The following KCTD1 variants were observed in gnomAD, a reference collection of about 807,000 sequenced individuals.
KCTD1 encodes BTB/POZ domain-containing protein KCTD1.
KCTD1 carries 24 observed loss-of-function variants against 66.0 expected under a neutral mutation model. The observed-to-expected ratio is 0.36, with a 90% CI of 0.26 to 0.51. The LOEUF is 0.51. KCTD1 is among the 20% of genes least tolerant of loss of function. The probability of loss-of-function intolerance (pLI) is 0.95; values close to 1 mark genes in which losing one functional copy is unlikely to be tolerated. For synonymous variants in KCTD1, 511 were observed against 517.2 expected (o/e 0.99, Z 0.16); for missense variants, 943 against 1,205.2 (o/e 0.78, Z 3.22).
At chr18:26,616,478 T>TATATATAC (rs148346431) in intron 1 of KCTD1, among the ~76,000 whole-genome samples, 7 of 148,666 alleles carry the variant, frequency 4.7e-5, no homozygotes, top group East Asian at 2.0e-4. Context: ...TATATATATA[T>TATATATAC]ACACACACAC....
At chr18:26,577,989 T>C (rs1278911974) in intron 1 of KCTD1, among the ~76,000 whole-genome samples, 4 of 152,026 alleles carry the variant, frequency 2.6e-5, no homozygotes, top group African/African-American at 7.2e-5. Flanking sequence ...TTCTGGGCCA[T>C]CACTGTAACT....
intron 1 of KCTD1, chr18:26,545,726 G>T (rs1985179911): frequency 1.3e-5 from 2 of 151,990 alleles, no homozygotes; most frequent in Non-Finnish European, 2.9e-5. Context: ...ACTAGAGAGT[G>T]TCCAAAACAT....
At chr18:26,568,625 G>A (rs375149954) in intron 1 of KCTD1, among the ~76,000 whole-genome samples, 38 of 152,122 alleles carry the variant, frequency 2.5e-4, no homozygotes, top group African/African-American at 8.9e-4. Context: ...TATAATCATT[G>A]CATCTAAAAC....
chr18:26,488,863 C>A (rs1348420988), intron 2 of KCTD1, among the ~76,000 whole-genome samples: 2 of 152,160 alleles, frequency 1.3e-5, no homozygotes, highest in Non-Finnish European at 2.9e-5. Flanking sequence ...CCACTGATAC[C>A]ACGTCTTGAA....
chr18:26,622,795 C>T (rs890906687), intron 1 of KCTD1, among the ~76,000 whole-genome samples: 15 of 151,910 alleles, frequency 9.9e-5, no homozygotes, highest in Non-Finnish European at 4.4e-5. Flanking sequence ...TACAGAGGCT[C>T]TGGGGCTGCA....
At chr18:26,559,846 A>G (rs1985802669) in intron 1 of KCTD1, among the ~76,000 whole-genome samples, 2 of 152,172 alleles carry the variant, frequency 1.3e-5, no homozygotes. Context: ...CCATGTCTCT[A>G]GGAGGGTCGA....
chr18:26,498,581 A>C (rs1320373326), intron 2 of KCTD1, among the ~76,000 whole-genome samples: 2 of 151,826 alleles, frequency 1.3e-5, no homozygotes, highest in African/African-American at 4.8e-5. Context: ...AAAATTACTG[A>C]GTTTACATTT....
At chr18:26,523,080 T>C (rs1401398877) in intron 1 of KCTD1, among the ~76,000 whole-genome samples, 1 of 152,224 alleles carries the variant, frequency 6.6e-6, no homozygotes, top group African/African-American at 2.4e-5. Flanking sequence ...ATTACATTTT[T>C]TTTTCCATGG....
intron 1 of KCTD1, among the ~76,000 whole-genome samples, chr18:26,534,131 C>T (rs1011481792): frequency 6.6e-6 from 1 of 152,032 alleles, no homozygotes; most frequent in Non-Finnish European, 1.5e-5. Context: ...ATTGCTCACA[C>T]TTGTAATTCA....
chr18:26,555,071 T>C (rs1985674660), intron 1 of KCTD1, among the ~76,000 whole-genome samples: 1 of 152,212 alleles, frequency 6.6e-6, no homozygotes, highest in Admixed American at 6.5e-5. Context: ...ATACTAATTA[T>C]GGTGGAAAAG....
chr18:26,517,561 G>A (rs1983712896), intron 1 of KCTD1, among the ~76,000 whole-genome samples: 1 of 150,666 alleles, frequency 6.6e-6, no homozygotes, highest in African/African-American at 2.5e-5. Flanking sequence ...AGAGGCTGAG[G>A]CAGGAGAACT....
intron 2 of KCTD1, among the ~76,000 whole-genome samples, chr18:26,477,767 T>C (rs980735561): frequency 2.6e-5 from 4 of 152,232 alleles, no homozygotes; most frequent in Non-Finnish European, 5.9e-5. Context: ...AGAAATCTTT[T>C]AAAGATAATT....
At chr18:26,596,093 T>C (rs1986759007) in intron 1 of KCTD1, among the ~76,000 whole-genome samples, 1 of 152,138 alleles carries the variant, frequency 6.6e-6, no homozygotes, top group African/African-American at 2.4e-5. Flanking sequence ...GTAATCCTAA[T>C]TGTAATGGAC....
At chr18:26,549,161 C>T, upstream of KCTD1, 2 of 985,294 alleles carry the variant, frequency 2.0e-6, no homozygotes, top group Non-Finnish European at 2.4e-6. Context: ...GCCCCGCACC[C>T]TCTCGGCGCC....
chr18:26,592,897 T>C (rs904822831), intron 1 of KCTD1, among the ~76,000 whole-genome samples: 13 of 152,222 alleles, frequency 8.5e-5, no homozygotes, highest in Non-Finnish European at 2.9e-5. Flanking sequence ...CTGAGCCTTA[T>C]ATTCTTTGTC....
At chr18:26,638,324 C>T (rs544475535) in intron 1 of KCTD1, among the ~76,000 whole-genome samples, 28 of 152,184 alleles carry the variant, frequency 1.8e-4, no homozygotes, top group African/African-American at 6.7e-4. Flanking sequence ...TTATCTCCCA[C>T]CAAAATTTTT....
intron 1 of KCTD1, among the ~76,000 whole-genome samples, chr18:26,617,183 G>A (rs1987274020): frequency 6.6e-6 from 1 of 152,074 alleles, no homozygotes; most frequent in Non-Finnish European, 1.5e-5. Flanking sequence ...AAACAAATTG[G>A]CCATCCCAAA....
intron 1 of KCTD1, among the ~76,000 whole-genome samples, chr18:26,614,813 A>G (rs569752937): frequency 3.3e-5 from 5 of 152,328 alleles, no homozygotes; most frequent in African/African-American, 1.2e-4. Context: ...ACCTACACTT[A>G]TCTTGTTCCC....
chr18:26,537,873 A>G (rs1284823511), intron 1 of KCTD1, among the ~76,000 whole-genome samples: 1 of 152,192 alleles, frequency 6.6e-6, no homozygotes, highest in Non-Finnish European at 1.5e-5. Context: ...GTCTCATTTC[A>G]TCTGTGAATG....
Sources: gnomAD v4.1 joint callset for allele counts (sites outside exome capture counted in the v4.1 genomes callset) on GRCh38, gnomAD v4.1.1 for gene constraint, MANE v1.5 for transcripts, NCBI Gene and HGNC (gene_info 2026-07-23, HGNC 2026-07-21) for gene names.